Variants in NUP210L observed in about 807,000 individuals in gnomAD.
The protein encoded by NUP210L is nuclear pore membrane glycoprotein 210-like.
NUP210L carries 74 observed loss-of-function variants against 208.5 expected under a neutral mutation model. The observed-to-expected ratio is 0.35, with a 90% CI of 0.29 to 0.43. NUP210L has a LOEUF of 0.43. NUP210L is among the 20% of genes least tolerant of loss of function. The probability of loss-of-function intolerance (pLI) is 1.00; values close to 1 mark genes in which losing one functional copy is unlikely to be tolerated. For synonymous variants in NUP210L, 780 were observed against 816.9 expected, an observed-to-expected ratio of 0.95 and a Z score of 0.77; for missense variants, 1,843 against 2,289.4, an observed-to-expected ratio of 0.81 and a Z score of 3.98.
At chr1:154,059,409 C>G (rs1654028293) in intron 20 of NUP210L, among the ~76,000 whole-genome samples, 1 of 152,056 alleles carries the variant, frequency 6.6e-6, no homozygotes, top group South Asian at 2.1e-4. Context: ...TGAGGTGGAT[C>G]ACTTGAATCT....
chr1:154,055,143 CTTT>C (rs1557944157), intron 23 of NUP210L, among the ~76,000 whole-genome samples: 1 of 104,310 alleles, frequency 9.6e-6, no homozygotes, highest in African/African-American at 4.1e-5. Context: ...TTCTTTCTTT[CTTT>C]CTTTCTTTCT....
At chr1:154,140,213 T>C (rs1484240652) in intron 4 of NUP210L, among the ~76,000 whole-genome samples, 1 of 150,990 alleles carries the variant, frequency 6.6e-6, no homozygotes, top group African/African-American at 2.4e-5. Flanking sequence ...TAGCCGGGCG[T>C]GGTGGCATGT....
At chr1:153,999,803 G>A (rs1557903514) in intron 37 of NUP210L, among the ~76,000 whole-genome samples, 3 of 147,742 alleles carry the variant, frequency 2.0e-5, no homozygotes, top group Admixed American at 6.8e-5. Context: ...TGGCAAACTC[G>A]TGTTAAACTG....
At chr1:154,147,109 A>C (rs557869081) in intron 2 of NUP210L, among the ~76,000 whole-genome samples, 1 of 152,328 alleles carries the variant, frequency 6.6e-6, no homozygotes, top group South Asian at 2.1e-4. Context: ...GCATATACAA[A>C]GGGGAAAATG....
At chr1:153,996,075 A>T (rs568796623) in intron 37 of NUP210L, 77 of 331,864 alleles carry the variant, frequency 2.3e-4, no homozygotes, top group Non-Finnish European at 4.4e-4. Context: ...GGTGGATCAC[A>T]AGGTCAGGAG....
chr1:154,110,897 C>T (rs558852440), intron 12 of NUP210L, among the ~76,000 whole-genome samples: 1 of 150,600 alleles, frequency 6.6e-6, no homozygotes, highest in South Asian at 2.1e-4. Context: ...AAAAACAAAA[C>T]TGCAAAAGCA....
At chr1:154,047,323 A>G (rs905881296) in intron 25 of NUP210L, among the ~76,000 whole-genome samples, 3 of 152,242 alleles carry the variant, frequency 2.0e-5, no homozygotes, top group Admixed American at 6.5e-5. Context: ...TGATGTAGTT[A>G]ATATGCATTG....
chr1:154,106,334 G>A (rs928886051), intron 12 of NUP210L, among the ~76,000 whole-genome samples: 7 of 152,072 alleles, frequency 4.6e-5, no homozygotes, highest in East Asian at 1.9e-4. Flanking sequence ...CAGCTTAGTC[G>A]CAGTAGAATA....
intron 34 of NUP210L, among the ~76,000 whole-genome samples, chr1:154,011,469 G>A (rs1242941881): frequency 6.6e-5 from 10 of 150,910 alleles, no homozygotes; most frequent in East Asian, 5.8e-4. Context: ...TGATCCATCC[G>A]CCTCGGCTTC....
chr1:154,068,089 A>G (rs975649912), intron 17 of NUP210L, among the ~76,000 whole-genome samples: 8 of 152,178 alleles, frequency 5.3e-5, no homozygotes, highest in Non-Finnish European at 1.0e-4. Flanking sequence ...GAATTGGAAA[A>G]GTTCATATAG....
chr1:154,100,231 C>G (rs1218382110), intron 13 of NUP210L, 88 bp from the exon 14 acceptor site: 1 of 1,229,938 alleles, frequency 8.1e-7, no homozygotes, highest in African/African-American at 1.5e-5. Context: ...AGGAAGATTG[C>G]TTGAGCTCCG....
intron 13 of NUP210L, among the ~76,000 whole-genome samples, chr1:154,101,977 C>T (rs190582765): frequency 6.6e-4 from 100 of 152,108 alleles, no homozygotes; most frequent in Admixed American, 2.2e-3. Flanking sequence ...TGGTGAAACC[C>T]GGTCTCTACT....
chr1:153,996,694 T>TAA (rs1305776210), intron 37 of NUP210L, among the ~76,000 whole-genome samples: 2 of 152,110 alleles, frequency 1.3e-5, no homozygotes, highest in Non-Finnish European at 2.9e-5. Flanking sequence ...GTGCTGGAAT[T>TAA]ACAGGCATGA....
intron 22 of NUP210L, among the ~76,000 whole-genome samples, chr1:154,057,885 A>G (rs1178015576): frequency 2.6e-5 from 4 of 152,308 alleles, no homozygotes; most frequent in Admixed American, 2.0e-4. Flanking sequence ...CTGGGACTAC[A>G]GGCATGTACC....
intron 12 of NUP210L, among the ~76,000 whole-genome samples, chr1:154,117,335 CT>C (rs201168451): frequency 1.3e-5 from 2 of 152,086 alleles, no homozygotes; most frequent in East Asian, 3.8e-4. Context: ...AATCCCAGCA[CT>C]TTGGGAGGCC....
chr1:154,058,605 A>G, exon 21 of NUP210L: 1 of 1,614,040 alleles, frequency 6.2e-7, no homozygotes, highest in East Asian at 2.2e-5. Flanking sequence ...TATGTCTGAC[A>G]CCCTGAGGTG....
rs981291313 is a variant in NUP210L at position 154,071,633 on chromosome 1, T to G, written c.2362-1168A>C. 1.7e-3 allele frequency among the ~76,000 whole-genome samples: 229 copies of G among 138,682 alleles called. 3 individuals are homozygous for G. The highest frequency in any genetic ancestry group is 0.015 in the Admixed American group (209 of 13,682). The allele number at this position is 138,682 out of a possible 152,430, so 91.0% of individuals were successfully genotyped here. ...AAATACCATCAATTCATTCCTTTTT[T>G]TTTTTTTTTTTTTTTTTTTTGAGAT... On this transcript the variant is annotated intron_variant, in intron 16 of 39. Transcript: ENST00000368559.
intron 4 of NUP210L, 83 bp from the exon 5 acceptor site, chr1:154,140,035 T>A: frequency 9.4e-7 from 1 of 1,060,014 alleles, no homozygotes; most frequent in Non-Finnish European, 1.4e-6. Flanking sequence ...TTAAACATAG[T>A]TTCTTCAATG....
At chr1:154,103,663 C>G (rs1421068126) in intron 13 of NUP210L, among the ~76,000 whole-genome samples, 5 of 133,162 alleles carry the variant, frequency 3.8e-5, no homozygotes, top group African/African-American at 1.4e-4. Flanking sequence ...CAGAGCGAGA[C>G]TCCGTCTCAA....
Sources: gnomAD v4.1 joint callset for allele counts (sites outside exome capture counted in the v4.1 genomes callset) on GRCh38, gnomAD v4.1.1 for gene constraint, MANE v1.5 for transcripts, NCBI Gene and HGNC (gene_info 2026-07-23, HGNC 2026-07-21) for gene names.